Variants in SPATA6L observed in about 807,000 individuals in gnomAD.
SPATA6L encodes the protein spermatogenesis associated 6-like protein.
SPATA6L carries 68 observed loss-of-function variants against 49.2 expected under a neutral mutation model. The observed-to-expected ratio is 1.38, with a 90% CI of 1.14 to 1.69. SPATA6L has a LOEUF of 1.69. Among genes scored for constraint, SPATA6L ranks in the 40% most tolerant of loss-of-function variants. The pLI is 0.00. For synonymous variants in SPATA6L, 198 were observed against 165.7 expected (o/e 1.19, Z -1.50); for missense variants, 668 against 464.3 (o/e 1.44, Z -4.03).
At chr9:4,650,834 G>C (rs1451309429) in intron 3 of SPATA6L, among the ~76,000 whole-genome samples, 1 of 34,104 alleles carries the variant, frequency 2.9e-5, no homozygotes. Flanking sequence ...TTGTGTGTGT[G>C]TGTGTGTGTG....
At chr9:4,596,888 G>A (rs2129968723), downstream of SPATA6L, among the ~76,000 whole-genome samples, 1 of 152,282 alleles carries the variant, frequency 6.6e-6, no homozygotes, top group Admixed American at 6.5e-5. Context: ...TTGCTTTTCT[G>A]AGCCTCAGTG....
chr9:4,644,627 G>A lies in SPATA6L; in HGVS notation c.227-9228C>T, dbSNP rs563721478. Reference sequence around the variant, plus strand: ...AAAAGCAGAAATGCGTAATAGCAGAGATCAGAGGAGAATTTTCTGAGTTTT... The same window carrying A: ...AAAAGCAGAAATGCGTAATAGCAGAAATCAGAGGAGAATTTTCTGAGTTTT... On this transcript the variant is annotated intron_variant, in intron 3 of 11. Transcript: ENST00000682582. Among the ~76,000 whole-genome samples, 18 of 151,648 alleles carry A rather than the reference G, an allele frequency of 1.2e-4. 1 individual carries two copies. The highest frequency in any genetic ancestry group is 4.4e-4 in the African/African-American group (18 of 41,332).
rs762235180 is a variant in SPATA6L at position 4,662,597 on chromosome 9, C to G, written c.40-561G>C. 1.3e-6 allele frequency: 2 copies of G among 1,591,784 alleles called. No individual in the cohort carries two copies. Among genetic ancestry groups the G allele is most frequent in the South Asian group, 2.2e-5 (2 of 90,564 alleles). ...ACCGCCGCGGCTCCTTCCCCCTGGC[C>G]GCGGCGGGCCCCTCGCAGTCGCCCG... On this transcript the variant is annotated intron_variant, in intron 1 of 11. Transcript: ENST00000682582. This position sits in a 1 kb window ranked among gnomAD's most constrained non-coding sequence, Gnocchi z 4.9.
intron 10 of SPATA6L, 41 bp downstream of exon 10, chr9:4,605,306 T>A: frequency 6.7e-7 from 1 of 1,484,860 alleles, no homozygotes; most frequent in Non-Finnish European, 9.4e-7. Context: ...GTTCACATAT[T>A]ATTTAGTGAG....
At position 4,666,473 on chromosome 9, in the gene SPATA6L, G is replaced by C. The variant is rs1202618470; in HGVS notation, c.-223C>G. The C allele has an allele frequency of 5.2e-6, 3 of 572,646 alleles. No individual in the cohort carries two copies. The allele number at this position is 572,646 out of a possible 1,614,324, so 35.5% of individuals were successfully genotyped here. On this transcript the variant is annotated 5_prime_UTR_variant, in exon 1 of 12. Transcript: ENST00000682582. ...GTGCAGGCTTCCAGAAGGCGGAAGC[G>C]TGGCGTTGCCAGGGACACTCAAACG...
At chr9:4,629,765 G>GTATATATATATA (rs1451733833) in intron 4 of SPATA6L, among the ~76,000 whole-genome samples, 3 of 91,420 alleles carry the variant, frequency 3.3e-5, no homozygotes, top group East Asian at 7.8e-4. Context: ...ATGTGTGTGT[G>GTATATATATATA]TGTGTATATA....
intron 3 of SPATA6L, among the ~76,000 whole-genome samples, chr9:4,653,678 C>G (rs1240815668): frequency 6.6e-6 from 1 of 152,096 alleles, no homozygotes; most frequent in Non-Finnish European, 1.5e-5. Flanking sequence ...GTCTGTAACC[C>G]CAACACTTTG....
At position 4,599,887 on chromosome 9, in the gene SPATA6L, G is replaced by A. The variant is rs777086832; in HGVS notation, c.*924C>T. On this transcript the variant is annotated 3_prime_UTR_variant, in exon 12 of 12. Coordinates refer to ENST00000682582, the MANE Select transcript of SPATA6L (RefSeq NM_001353486.2). ...AAAATGCTATGCTTACACTATGAAGGAGGGAAATAAGTTTCCATTTTCAGG... is the reference window on the plus strand; with the variant it reads ...AAAATGCTATGCTTACACTATGAAGAAGGGAAATAAGTTTCCATTTTCAGG... Among the ~76,000 whole-genome samples, 1 of 152,128 alleles carries A rather than the reference G, an allele frequency of 6.6e-6. No individual in the cohort carries two copies. The highest frequency in any genetic ancestry group is 1.5e-5 in the Non-Finnish European group (1 of 68,042).
intron 5 of SPATA6L, chr9:4,627,772 C>G (rs929674260): frequency 1.3e-5 from 17 of 1,289,218 alleles, no homozygotes; most frequent in Middle Eastern, 2.1e-4. Flanking sequence ...ACCATGAATA[C>G]AATCCGAGCA....
chr9:4,615,807 G>C (rs1272803084), intron 9 of SPATA6L, among the ~76,000 whole-genome samples: 2 of 152,176 alleles, frequency 1.3e-5, no homozygotes, highest in African/African-American at 4.8e-5. Flanking sequence ...GCTCAATACA[G>C]TCTCTCAGAA....
intron 11 of SPATA6L, among the ~76,000 whole-genome samples, chr9:4,601,793 G>A (rs918600581): frequency 1.3e-5 from 2 of 152,166 alleles, no homozygotes; most frequent in Admixed American, 6.5e-5. Context: ...CCTGCCTGGG[G>A]TCTGTCCTCC....
rs1258238874 is a variant in SPATA6L at position 4,635,179 on chromosome 9, T to TA, written c.351+95dup. The stretch of plus-strand genomic sequence containing the variant: ...CTACTAAACAGAACAGCAGGGGTAC[T>TA]AACCAAGATAAAGATCAAACCCTGT... On this transcript the variant is annotated intron_variant, in intron 4 of 11. Coordinates refer to ENST00000682582, the MANE Select transcript of SPATA6L (RefSeq NM_001353486.2). 2.2e-6 allele frequency: 3 copies of TA among 1,341,484 alleles called. No homozygotes were observed. The East Asian group carries it at 8.4e-5, about 37-fold the overall frequency. 83.1% of individuals were successfully genotyped at this position (1,341,484 alleles called of 1,614,324 possible).
chr9:4,602,983 C>T (rs915422853), intron 11 of SPATA6L, among the ~76,000 whole-genome samples: 8 of 152,002 alleles, frequency 5.3e-5, no homozygotes, highest in African/African-American at 1.7e-4. Flanking sequence ...TAAGGAAGAG[C>T]GATTATTATT....
At chr9:4,595,697 T>C (rs965102345), downstream of SPATA6L, among the ~76,000 whole-genome samples, 2 of 152,212 alleles carry the variant, frequency 1.3e-5, no homozygotes, top group African/African-American at 2.4e-5. Context: ...CCAACACCAA[T>C]ACCCCACTGT....
At chr9:4,666,055 A>G (rs554075882) in intron 1 of SPATA6L, among the ~76,000 whole-genome samples, 157 bp downstream of exon 1, 5 of 118,284 alleles carry the variant, frequency 4.2e-5, no homozygotes, top group African/African-American at 2.2e-4. Flanking sequence ...AGTCAGGGAA[A>G]ACCAATATGG....
intron 3 of SPATA6L, among the ~76,000 whole-genome samples, chr9:4,643,645 G>T (rs962150713): frequency 3.3e-5 from 5 of 152,202 alleles, no homozygotes; most frequent in Non-Finnish European, 5.9e-5. Flanking sequence ...AAATACTATG[G>T]AAATACTATT....
intron 3 of SPATA6L, among the ~76,000 whole-genome samples, chr9:4,644,429 GA>G (rs970627010): frequency 1.2e-4 from 18 of 151,160 alleles, no homozygotes; most frequent in African/African-American, 3.4e-4. Flanking sequence ...GCTAATAACA[GA>G]AAAAAAACTA....
chr9:4,650,500 C>A (rs1414837681), intron 3 of SPATA6L, among the ~76,000 whole-genome samples: 1 of 151,892 alleles, frequency 6.6e-6, no homozygotes, highest in East Asian at 1.9e-4. Context: ...AACAGAAAAG[C>A]AACACAGAAA....
chr9:4,617,891 G>T, intron 9 of SPATA6L, 32 bp downstream of exon 9: 2 of 1,548,848 alleles, frequency 1.3e-6, no homozygotes, highest in Non-Finnish European at 1.8e-6. Context: ...CAATGCACTC[G>T]TCAGGCAAAC....
Sources: allele counts gnomAD v4.1 joint callset (sites outside exome capture counted in the v4.1 genomes callset), GRCh38; gene constraint gnomAD v4.1.1; non-coding constraint Gnocchi (gnomAD v3.1); transcripts MANE v1.5; gene names NCBI Gene and HGNC (gene_info 2026-07-23, HGNC 2026-07-21).